The following KDM4C variants were observed in gnomAD, a reference collection of about 807,000 sequenced individuals.
The protein encoded by KDM4C is lysine demethylase 4C.
Under a neutral mutation model 129.3 loss-of-function variants are expected in KDM4C, and 81 were observed. The ratio of observed to expected loss-of-function variants is 0.63; its 90% CI spans 0.52 to 0.75. The LOEUF is 0.75. Among genes scored for constraint, KDM4C ranks in the 30% least tolerant of loss-of-function variants. KDM4C has a pLI of 0.00. For missense variants in KDM4C, 1,457 were observed against 1,304.0 expected (o/e 1.12, Z -1.81); for synonymous variants, 573 against 456.1 (o/e 1.26, Z -3.26).
chr9:6,946,306 A>T (rs901738044), intron 8 of KDM4C, among the ~76,000 whole-genome samples: 3 of 152,132 alleles, frequency 2.0e-5, no homozygotes, highest in Non-Finnish European at 2.9e-5. Flanking sequence ...TTTATTAATT[A>T]TATAGAGATG....
chr9:6,892,455 CT>C (rs1318012933), intron 7 of KDM4C, among the ~76,000 whole-genome samples: 4 of 151,836 alleles, frequency 2.6e-5, no homozygotes, highest in African/African-American at 9.7e-5. Flanking sequence ...ATTTAAAATT[CT>C]TTTTTAAAGG....
chr9:6,728,300 C>T (rs1477511500), intron 1 of KDM4C, among the ~76,000 whole-genome samples: 1 of 152,014 alleles, frequency 6.6e-6, no homozygotes, highest in Non-Finnish European at 1.5e-5. Context: ...CTTTGGGAGG[C>T]CAAGGCGGGT....
At chr9:6,872,948 C>CA (rs1189028089) in intron 5 of KDM4C, among the ~76,000 whole-genome samples, 4 of 152,118 alleles carry the variant, frequency 2.6e-5, no homozygotes, top group African/African-American at 9.7e-5. Flanking sequence ...TTCTTTAAGA[C>CA]AGAGTTTCGC....
chr9:6,972,767 T>G (rs1251544770), intron 8 of KDM4C, among the ~76,000 whole-genome samples: 1 of 152,234 alleles, frequency 6.6e-6, no homozygotes, highest in Non-Finnish European at 1.5e-5. Context: ...TAAATCCAGT[T>G]CTTCTCATTT....
chr9:7,111,524 G>C (rs770132583), intron 18 of KDM4C, among the ~76,000 whole-genome samples: 2 of 152,078 alleles, frequency 1.3e-5, no homozygotes, highest in South Asian at 2.1e-4. Context: ...TATATAACTT[G>C]CTGTAAGTTA....
intron 5 of KDM4C, among the ~76,000 whole-genome samples, chr9:6,854,537 A>C (rs555236738): frequency 8.9e-5 from 13 of 146,328 alleles, no homozygotes; most frequent in African/African-American, 1.1e-4. Context: ...AAAAAAAAAA[A>C]AAAAAAAACA....
chr9:6,990,322 T>A, intron 11 of KDM4C, 94 bp from the exon 12 acceptor site: 5 of 820,322 alleles, frequency 6.1e-6, no homozygotes, highest in Non-Finnish European at 8.1e-6. Context: ...TTCTTCAACA[T>A]TAAGTGATAA....
intron 1 of KDM4C, among the ~76,000 whole-genome samples, chr9:6,752,405 A>C (rs1396370385): frequency 3.1e-5 from 4 of 127,572 alleles, no homozygotes; most frequent in African/African-American, 9.6e-5. Flanking sequence ...ACGTTCTCAA[A>C]ACCAGGGATT....
At chr9:7,143,707 C>T (rs1170611907) in intron 19 of KDM4C, among the ~76,000 whole-genome samples, 2 of 152,150 alleles carry the variant, frequency 1.3e-5, no homozygotes, top group African/African-American at 2.4e-5. Flanking sequence ...TTTTCAACAA[C>T]ACAAGAATCA....
intron 8 of KDM4C, chr9:6,974,665 T>G (rs1403047688): frequency 6.6e-6 from 1 of 152,120 alleles, no homozygotes; most frequent in Non-Finnish European, 1.5e-5. Flanking sequence ...GCCTGTCTGT[T>G]TTCATATGTG....
At chr9:6,987,955 C>T (rs538907772) in intron 11 of KDM4C, among the ~76,000 whole-genome samples, 40 of 150,410 alleles carry the variant, frequency 2.7e-4, no homozygotes, top group Middle Eastern at 3.4e-3. Context: ...CCCAGAGGTT[C>T]GAGATGAGCC....
intron 5 of KDM4C, among the ~76,000 whole-genome samples, chr9:6,866,462 ACCT>A (rs1323661696): frequency 6.6e-6 from 1 of 151,730 alleles, no homozygotes; most frequent in African/African-American, 2.4e-5. Flanking sequence ...TGTGGGACAG[ACCT>A]CCTACAGTGT....
At chr9:6,993,656 C>T (rs537839525) in intron 12 of KDM4C, among the ~76,000 whole-genome samples, 11 of 152,182 alleles carry the variant, frequency 7.2e-5, no homozygotes, top group South Asian at 6.2e-4. Context: ...CTGGTGCACC[C>T]GTGCACTTAG....
At chr9:6,889,960 C>A (rs1382618814) in intron 7 of KDM4C, among the ~76,000 whole-genome samples, 1 of 152,150 alleles carries the variant, frequency 6.6e-6, no homozygotes, top group Non-Finnish European at 1.5e-5. Context: ...ATTGGGCTCT[C>A]ATCTGGTGTT....
At chr9:6,897,950 C>T (rs1816721739) in intron 8 of KDM4C, among the ~76,000 whole-genome samples, 1 of 152,128 alleles carries the variant, frequency 6.6e-6, no homozygotes, top group Non-Finnish European at 1.5e-5. Context: ...GCATTCTTTC[C>T]TTCTGTGGTG....
intron 21 of KDM4C, chr9:7,170,165 G>A (rs3829103): frequency 0.19 from 245,533 of 1,304,506 alleles, 23,803 homozygotes; most frequent in Admixed American, 0.31. Context: ...CTTACTGAAT[G>A]TGTGCTCTGT....
chr9:6,918,026 A>G (rs915490527), intron 8 of KDM4C, among the ~76,000 whole-genome samples: 2 of 152,190 alleles, frequency 1.3e-5, no homozygotes, highest in South Asian at 2.1e-4. Context: ...AAAAATATAA[A>G]CTTTTATTTT....
chr9:6,785,663 C>A (rs1156732908), intron 1 of KDM4C, among the ~76,000 whole-genome samples: 1 of 152,224 alleles, frequency 6.6e-6, no homozygotes, highest in Non-Finnish European at 1.5e-5. Context: ...GGACACCAGT[C>A]ATAGTGGATC....
Position 6,980,989 on chromosome 9 carries a change from A to G in KDM4C, c.986A>G (p.Asp329Gly), listed in dbSNP as rs767832339. The change falls in exon 9 of 22, where the codon GAC (aspartate) becomes GGC (glycine). Residue 329 changes from aspartate (D) to glycine (G), a missense_variant. By Grantham distance (94) the Asp-to-Gly change is moderately conservative. Transcript: ENST00000381309. The part of the protein sequence containing the change: ...MDIFVRKFQP[D>G]RYQLWKQGKD... The stretch of plus-strand genomic sequence containing the variant: ...ATCTTTGTGAGGAAATTTCAGCCAG[A>G]CAGATATCAGCTTTGGAAACAAGGA... The G allele has an allele frequency of 5.6e-6, 9 of 1,613,778 alleles. No individual in the cohort carries two copies. The highest frequency in any genetic ancestry group is 3.3e-5 in the Admixed American group (2 of 59,952).
Sources: gnomAD v4.1 joint callset for allele counts (sites outside exome capture counted in the v4.1 genomes callset) on GRCh38, gnomAD v4.1.1 for gene constraint, MANE v1.5 for transcripts, NCBI Gene and HGNC (gene_info 2026-07-23, HGNC 2026-07-21) for gene names.